The following ESF1 variants were observed in gnomAD, a reference collection of about 807,000 sequenced individuals.
ESF1 encodes ESF1 nucleolar pre-rRNA processing protein.
In ESF1, 58 loss-of-function variants were observed where a neutral mutation model predicts 92.0. That is an observed-to-expected ratio of 0.63 (90% CI 0.51 to 0.78). ESF1 has a LOEUF of 0.78. Ranked by LOEUF, ESF1 falls within the 30% of genes least tolerant of loss-of-function variation. The pLI is 0.00. For missense variants in ESF1, 922 were observed against 989.1 expected (o/e 0.93, Z 0.91); for synonymous variants, 321 against 313.7 (o/e 1.02, Z -0.24).
At chr20:13,762,685 CAAT>C (rs896721601) in intron 8 of ESF1, among the ~76,000 whole-genome samples, 8 of 151,978 alleles carry the variant, frequency 5.3e-5, no homozygotes, top group African/African-American at 1.9e-4. Context: ...CTCTTATAAA[CAAT>C]AACCAGAAAT....
intron 8 of ESF1, among the ~76,000 whole-genome samples, chr20:13,760,259 T>C (rs534155043): frequency 5.5e-4 from 81 of 147,362 alleles, no homozygotes; most frequent in African/African-American, 1.9e-3. Context: ...CTGCCCAGTC[T>C]GGAAAGTGAG....
At chr20:13,781,130 C>A (rs1024082054) in intron 2 of ESF1, among the ~76,000 whole-genome samples, 1 of 152,158 alleles carries the variant, frequency 6.6e-6, no homozygotes, top group African/African-American at 2.4e-5. Context: ...ACATCTTTTA[C>A]GGCACTTACT....
At chr20:13,780,707 C>A (rs1327738228) in intron 2 of ESF1, among the ~76,000 whole-genome samples, 1 of 152,202 alleles carries the variant, frequency 6.6e-6, no homozygotes, top group Non-Finnish European at 1.5e-5. Flanking sequence ...CTCCTTGGAT[C>A]CTGTAATCAC....
chr20:13,723,735 C>T (rs998933198), intron 11 of ESF1, among the ~76,000 whole-genome samples: 4 of 152,092 alleles, frequency 2.6e-5, no homozygotes, highest in African/African-American at 9.7e-5. Context: ...TATAAATGTA[C>T]CCAAGTCATC....
chr20:13,761,228 G>A (rs188008813), intron 8 of ESF1, among the ~76,000 whole-genome samples: 3 of 151,960 alleles, frequency 2.0e-5, no homozygotes, highest in African/African-American at 7.3e-5. Flanking sequence ...CAAGTACCCA[G>A]GGACACAAAC....
intron 5 of ESF1, among the ~76,000 whole-genome samples, chr20:13,772,122 C>A (rs528228752): frequency 7.3e-5 from 11 of 150,986 alleles, no homozygotes; most frequent in Non-Finnish European, 1.3e-4. Flanking sequence ...ATCATTCTTT[C>A]ACTTTTCTAT....
intron 8 of ESF1, among the ~76,000 whole-genome samples, chr20:13,763,527 G>C (rs901055370): frequency 1.3e-5 from 2 of 152,146 alleles, no homozygotes; most frequent in Non-Finnish European, 2.9e-5. Flanking sequence ...TCTTACAGCT[G>C]ATAGTGAAGA....
intron 12 of ESF1, 71 bp from the exon 13 acceptor site, chr20:13,717,585 GC>G: frequency 1.3e-6 from 2 of 1,537,646 alleles, no homozygotes; most frequent in Non-Finnish European, 1.8e-6. Context: ...GGAGTATAGG[GC>G]AGAAGATATC....
chr20:13,751,722 G>A (rs540744621), intron 9 of ESF1, among the ~76,000 whole-genome samples: 14 of 152,162 alleles, frequency 9.2e-5, no homozygotes, highest in Admixed American at 2.6e-4. Context: ...AAATTAAATC[G>A]GCTGGGCGTG....
intron 8 of ESF1, among the ~76,000 whole-genome samples, chr20:13,765,813 G>T (rs955533384): frequency 6.6e-6 from 1 of 152,130 alleles, no homozygotes; most frequent in Non-Finnish European, 1.5e-5. Context: ...AAATGTCAAA[G>T]TAACACACAA....
At chr20:13,748,540 A>ATG (rs753070186) in intron 9 of ESF1, among the ~76,000 whole-genome samples, 64,113 of 117,040 alleles carry the variant, frequency 0.55, 16,398 homozygotes, top group Non-Finnish European at 0.57. Context: ...ACACATATAT[A>ATG]TGTGTGTGTA....
intron 6 of ESF1, among the ~76,000 whole-genome samples, chr20:13,771,034 T>A (rs1358847505): frequency 6.6e-6 from 1 of 152,206 alleles, no homozygotes; most frequent in African/African-American, 2.4e-5. Context: ...TAACTTCATC[T>A]GGTTCCTAGC....
Position 13,772,194 on chromosome 20 carries a change from CA to C in ESF1, c.1250+320del, listed in dbSNP as rs959254991. On this transcript the variant is annotated intron_variant, in intron 5 of 13. Transcript: ENST00000617257. ...GGCAAACAGAGCTTCAATGATGTCTCAAAAAAAAAAGCAAAACGTACTAATT... is the reference window on the plus strand; with the variant it reads ...GGCAAACAGAGCTTCAATGATGTCTCAAAAAAAAAGCAAAACGTACTAATT... Among the ~76,000 whole-genome samples, 130 of 142,250 alleles carry C rather than the reference CA, an allele frequency of 9.1e-4. No homozygotes were observed. In the Middle Eastern group the frequency reaches 0.011, roughly 12 times the overall value. The allele number at this position is 142,250 out of a possible 152,430, so 93.3% of individuals were successfully genotyped here. A position where few individuals can be genotyped will look rare whatever the true frequency, so the allele number is the denominator to read the frequency against.
At position 13,784,301 on chromosome 20, in the gene ESF1, T is replaced by C. The variant is rs1286151208; in HGVS notation, c.-44+579A>G. Among the ~76,000 whole-genome samples, 3 of 130,396 alleles carry C rather than the reference T, an allele frequency of 2.3e-5. No individual in the cohort carries two copies. The Admixed American group carries it at 2.4e-4, about 10-fold the overall frequency. The allele number at this position is 130,396 out of a possible 152,430, so 85.5% of individuals were successfully genotyped here. A position where few individuals can be genotyped will look rare whatever the true frequency, so the allele number is the denominator to read the frequency against. On this transcript the variant is annotated intron_variant, in intron 1 of 13. Transcript: ENST00000617257. ...ATTAAGCAACCCCCCCCCAAAATGA[T>C]TAAAAGGGCAATATTTCTTATTTAA...
intron 8 of ESF1, 52 bp from the exon 9 acceptor site, chr20:13,759,905 G>C: frequency 6.5e-7 from 1 of 1,529,778 alleles, no homozygotes; most frequent in Non-Finnish European, 8.7e-7. Context: ...TTTCTAACTC[G>C]TGTTCAGATC....
chr20:13,725,520 G>C (rs1444329664), intron 11 of ESF1, among the ~76,000 whole-genome samples: 4 of 152,002 alleles, frequency 2.6e-5, no homozygotes, highest in Non-Finnish European at 5.9e-5. Context: ...CTAATCTACT[G>C]AAACCTCTAC....
In ESF1 at chr20:13,778,366, C is replaced by T. The variant is rs559807733; in HGVS notation, c.638-2096G>A. Among the ~76,000 whole-genome samples the T allele has an allele frequency of 4.6e-5, 7 of 151,898 alleles. No homozygotes were observed. The South Asian group carries it at 1.5e-3, about 32-fold the overall frequency. ...GTAAGCAGAATTTACTTTTAAGCAA[C>T]AAGCTTAGAAATAACATCTTACAGA... is the stretch of plus-strand genomic sequence containing the variant. On this transcript the variant is annotated intron_variant, in intron 2 of 13. Transcript: ENST00000617257.
chr20:13,766,698 CA>C (rs1161466435), intron 8 of ESF1, 78 bp downstream of exon 8: 9 of 1,410,580 alleles, frequency 6.4e-6, no homozygotes, highest in Admixed American at 1.9e-5. Context: ...AGCATATCTG[CA>C]GACAGAATTT....
chr20:13,777,085 C>A (rs903257178), intron 2 of ESF1, among the ~76,000 whole-genome samples: 1 of 152,186 alleles, frequency 6.6e-6, no homozygotes, highest in South Asian at 2.1e-4. Context: ...TTGAGGAGAT[C>A]ACCTTGACTA....
Sources: gnomAD v4.1 joint callset for allele counts (sites outside exome capture counted in the v4.1 genomes callset) on GRCh38, gnomAD v4.1.1 for gene constraint, MANE v1.5 for transcripts, NCBI Gene and HGNC (gene_info 2026-07-23, HGNC 2026-07-21) for gene names.